Variants in MSH4 observed in about 807,000 individuals in gnomAD.
MSH4 encodes the protein mutS protein homolog 4.
A neutral mutation model predicts 113.7 loss-of-function variants in MSH4; 106 were observed. The observed-to-expected ratio is 0.93, with a 90% CI of 0.80 to 1.10. The LOEUF (loss-of-function observed/expected upper bound fraction) is 1.10, where lower values mean the gene tolerates loss of function less well. Ranked by LOEUF, MSH4 falls within the 50% of genes least tolerant of loss-of-function variation. The pLI is 0.00. For synonymous variants in MSH4, 368 were observed against 380.2 expected, an observed-to-expected ratio of 0.97 and a Z score of 0.37; for missense variants, 1,061 against 1,093.7, an observed-to-expected ratio of 0.97 and a Z score of 0.42.
At chr1:75,895,939 A>C (rs559900963) in intron 17 of MSH4, among the ~76,000 whole-genome samples, 1 of 152,252 alleles carries the variant, frequency 6.6e-6, no homozygotes, top group Admixed American at 6.5e-5. Flanking sequence ...TTTATGTGTC[A>C]ACTTGGCAAG....
chr1:75,833,704 A>G (rs1007495406), intron 7 of MSH4, among the ~76,000 whole-genome samples: 10 of 152,210 alleles, frequency 6.6e-5, no homozygotes, highest in Admixed American at 4.6e-4. Context: ...TATTTAATAA[A>G]TGGTGCTGGG....
At chr1:75,822,960 C>G in intron 7 of MSH4, among the ~76,000 whole-genome samples, 1 of 152,168 alleles carries the variant, frequency 6.6e-6, no homozygotes, top group East Asian at 1.9e-4. Flanking sequence ...GCTCTAAAAA[C>G]TAGTACCTAC....
rs924783519 is a variant in MSH4, at chr1:75,907,199, A to G, written c.2620-5497A>G. On this transcript the variant is annotated intron_variant, in intron 19 of 19. Transcript: ENST00000263187. Reference sequence around the variant, plus strand: ...TTCTTATAATATGGGTCTAGTAATGATGCATTTCCTCAGCTTTTGTTTGTC... The same window carrying G: ...TTCTTATAATATGGGTCTAGTAATGGTGCATTTCCTCAGCTTTTGTTTGTC... Among the ~76,000 whole-genome samples the G allele has an allele frequency of 2.6e-5, 4 of 152,212 alleles. No individual in the cohort carries two copies. The East Asian group carries it at 7.7e-4, about 29-fold the overall frequency.
intron 7 of MSH4, among the ~76,000 whole-genome samples, chr1:75,824,724 AG>A (rs1249308118): frequency 1.3e-5 from 2 of 152,204 alleles, no homozygotes; most frequent in African/African-American, 4.8e-5. Flanking sequence ...TTTATTAAAC[AG>A]GGAATCCTTT....
intron 2 of MSH4, among the ~76,000 whole-genome samples, chr1:75,804,357 A>G (rs1031163281): frequency 6.6e-6 from 1 of 152,124 alleles, no homozygotes; most frequent in Non-Finnish European, 1.5e-5. Flanking sequence ...TCTTGGTTAC[A>G]GGGTAAGTTA....
intron 8 of MSH4, among the ~76,000 whole-genome samples, chr1:75,853,638 T>G (rs1651246070): frequency 1.3e-5 from 2 of 152,108 alleles, no homozygotes; most frequent in South Asian, 4.1e-4. Context: ...AATTTATGTA[T>G]GTATGTATTT....
chr1:75,885,059 G>GTGTGTGTGTGTGTGTGTA (rs1300289205), intron 15 of MSH4, among the ~76,000 whole-genome samples: 18 of 112,558 alleles, frequency 1.6e-4, no homozygotes, highest in Non-Finnish European at 2.9e-4. Context: ...GTGTGTGTGT[G>GTGTGTGTGTGTGTGTGTA]TATATATATA....
At chr1:75,802,413 G>A (rs765294657) in intron 1 of MSH4, among the ~76,000 whole-genome samples, 40 of 152,300 alleles carry the variant, frequency 2.6e-4, no homozygotes, top group South Asian at 4.1e-4. Flanking sequence ...ACTAAAAGTG[G>A]TTTAAAGAGA....
At position 75,806,345 on chromosome 1, in the gene MSH4, T is replaced by G. The variant is rs536767568; in HGVS notation, c.428-636T>G. On this transcript the variant is annotated intron_variant, in intron 2 of 19. Transcript: ENST00000263187. The stretch of plus-strand genomic sequence containing the variant: ...TCACTGCAAGCTCCGCCTCCCGGGT[T>G]CACGCCATTCTCCTGCCTCAGCCTC... Among the ~76,000 whole-genome samples the G allele has an allele frequency of 2.8e-5, 4 of 141,784 alleles. No homozygotes were observed. The South Asian group carries it at 9.8e-4, about 35-fold the overall frequency. The allele number at this position is 141,784 out of a possible 152,430, so 93.0% of individuals were successfully genotyped here.
At chr1:75,883,266 C>T (rs970281105) in intron 14 of MSH4, among the ~76,000 whole-genome samples, 2 of 150,740 alleles carry the variant, frequency 1.3e-5, no homozygotes, top group Non-Finnish European at 2.9e-5. Context: ...CTGCCCTCCT[C>T]CGCCTCCCAA....
intron 7 of MSH4, among the ~76,000 whole-genome samples, chr1:75,829,505 C>T (rs2100528321): frequency 6.6e-6 from 1 of 152,304 alleles, no homozygotes; most frequent in Non-Finnish European, 1.5e-5. Flanking sequence ...GGGCCATGAC[C>T]CCCAAGTAGC....
intron 7 of MSH4, among the ~76,000 whole-genome samples, chr1:75,835,784 T>A (rs1426948651): frequency 6.6e-6 from 1 of 152,200 alleles, no homozygotes; most frequent in Non-Finnish European, 1.5e-5. Context: ...AAAAACAAAT[T>A]TCCTATGCTC....
At chr1:75,908,610 G>T (rs1238316367) in intron 19 of MSH4, among the ~76,000 whole-genome samples, 1 of 152,090 alleles carries the variant, frequency 6.6e-6, no homozygotes, top group African/African-American at 2.4e-5. Context: ...TCCTTGCTTT[G>T]TTCATTTGGG....
chr1:75,859,170 C>G (rs189534714), intron 8 of MSH4, among the ~76,000 whole-genome samples: 1 of 152,184 alleles, frequency 6.6e-6, no homozygotes, highest in African/African-American at 2.4e-5. Context: ...CTTTATTAGT[C>G]TTGCTATTGG....
intron 8 of MSH4, among the ~76,000 whole-genome samples, chr1:75,861,270 C>T (rs961297990): frequency 5.3e-5 from 8 of 152,276 alleles, no homozygotes; most frequent in East Asian, 1.9e-4. Context: ...TCTGTCAAGT[C>T]GTCAAACTCA....
chr1:75,819,275 T>G (rs1650356357), intron 6 of MSH4, among the ~76,000 whole-genome samples: 1 of 152,138 alleles, frequency 6.6e-6, no homozygotes, highest in Non-Finnish European at 1.5e-5. Flanking sequence ...GGTGGATCAC[T>G]TGAGGCCAGG....
chr1:75,828,818 G>A (rs1351891760), intron 7 of MSH4, among the ~76,000 whole-genome samples: 2 of 152,026 alleles, frequency 1.3e-5, no homozygotes, highest in Non-Finnish European at 2.9e-5. Flanking sequence ...TTTTTAAAAA[G>A]GAAAAGAGAG....
At chr1:75,801,688 A>C (rs1377134884) in intron 1 of MSH4, among the ~76,000 whole-genome samples, 2 of 151,780 alleles carry the variant, frequency 1.3e-5, no homozygotes, top group African/African-American at 4.8e-5. Flanking sequence ...AGCCTGGGCA[A>C]TGTAGCAAGA....
intron 15 of MSH4, among the ~76,000 whole-genome samples, chr1:75,888,223 G>T (rs1040444514): frequency 2.7e-5 from 4 of 150,394 alleles, no homozygotes; most frequent in African/African-American, 7.3e-5. Context: ...TCTGGCTTTG[G>T]TTTTTTTGCT....
Sources: gnomAD v4.1 joint callset for allele counts (sites outside exome capture counted in the v4.1 genomes callset) on GRCh38, gnomAD v4.1.1 for gene constraint, MANE v1.5 for transcripts, NCBI Gene and HGNC (gene_info 2026-07-23, HGNC 2026-07-21) for gene names.